The following CLVS1 variants were observed in gnomAD, a reference collection of about 807,000 sequenced individuals.
The protein encoded by CLVS1 is clavesin 1, also known as clavesin-1.
CLVS1 carries 10 observed loss-of-function variants against 33.1 expected under a neutral mutation model. The ratio of observed to expected loss-of-function variants is 0.30; its 90% CI spans 0.19 to 0.51. CLVS1 has a LOEUF of 0.51. CLVS1 is among the 20% of genes least tolerant of loss of function. CLVS1 has a pLI of 0.97. For missense variants in CLVS1, 343 were observed against 433.4 expected, an observed-to-expected ratio of 0.79 and a Z score of 1.85; for synonymous variants, 163 against 166.1, an observed-to-expected ratio of 0.98 and a Z score of 0.14.
chr8:61,220,642 GTT>G (rs565187921), intron 2 of CLVS1, among the ~76,000 whole-genome samples: 2 of 147,492 alleles, frequency 1.4e-5, no homozygotes, highest in East Asian at 2.0e-4. Flanking sequence ...GGCTATACAG[GTT>G]TTTTTTTTTA....
At chr8:61,456,654 C>T (rs932056372) in intron 4 of CLVS1, among the ~76,000 whole-genome samples, 4 of 151,998 alleles carry the variant, frequency 2.6e-5, no homozygotes, top group African/African-American at 4.8e-5. Context: ...CGGTGGCTCA[C>T]GCCTGTAATC....
At chr8:61,014,971 G>A in the CLVS1 span, among the ~76,000 whole-genome samples, 1 of 152,234 alleles carries the variant, frequency 6.6e-6, no homozygotes, top group Non-Finnish European at 1.5e-5. Flanking sequence ...CAGTGACTCT[G>A]TTCACAGGGC....
chr8:61,217,979 T>C (rs1808125912), intron 2 of CLVS1, among the ~76,000 whole-genome samples: 2 of 152,190 alleles, frequency 1.3e-5, no homozygotes, highest in Non-Finnish European at 2.9e-5. Context: ...TTAGGATGAC[T>C]ATTATCAAAA....
At chr8:61,120,609 C>A (rs1364372861) in intron 1 of CLVS1, among the ~76,000 whole-genome samples, 2 of 120,592 alleles carry the variant, frequency 1.7e-5, no homozygotes, top group African/African-American at 3.7e-5. Context: ...CCCTCAGCTG[C>A]AGGTCTGTTG....
At chr8:61,020,947 A>G in the CLVS1 span, among the ~76,000 whole-genome samples, 1 of 152,118 alleles carries the variant, frequency 6.6e-6, no homozygotes, top group Non-Finnish European at 1.5e-5. Flanking sequence ...CCCATGTCCA[A>G]CTATCTTCTC....
intron 1 of CLVS1, among the ~76,000 whole-genome samples, chr8:61,081,739 T>G (rs1805022696): frequency 6.6e-6 from 1 of 152,158 alleles, no homozygotes; most frequent in African/African-American, 2.4e-5. Context: ...CAACAACTCT[T>G]TCTAGATCCA....
chr8:61,459,798 G>T (rs1012424055), intron 5 of CLVS1, among the ~76,000 whole-genome samples: 1 of 152,138 alleles, frequency 6.6e-6, no homozygotes, highest in Non-Finnish European at 1.5e-5. Flanking sequence ...AGTTACTACA[G>T]ACTGGGTGGT....
chr8:61,325,734 G>C lies in CLVS1; in HGVS notation c.455+25452G>C, dbSNP rs554092326. Among the ~76,000 whole-genome samples, 7 of 152,218 alleles carry C rather than the reference G, an allele frequency of 4.6e-5. No individual in the cohort carries two copies. In the East Asian group the frequency reaches 1.4e-3, roughly 29 times the overall value. ...TAGCTGTGATTTGATGTTTGTGTTA[G>C]GACCATCTCATACATCGATAATTGT... On this transcript the variant is annotated intron_variant, in intron 2 of 5. Transcript: ENST00000325897.
chr8:61,462,409 G>T (rs564967082), intron 5 of CLVS1, among the ~76,000 whole-genome samples: 1 of 152,138 alleles, frequency 6.6e-6, no homozygotes, highest in African/African-American at 2.4e-5. Context: ...TTTGAGACTG[G>T]AGTCTTGCTC....
chr8:61,214,168 T>G (rs989276052), intron 2 of CLVS1, among the ~76,000 whole-genome samples: 1 of 152,204 alleles, frequency 6.6e-6, no homozygotes, highest in South Asian at 2.1e-4. Context: ...TGAAACTTCA[T>G]TAGCAATTTT....
chr8:61,172,134 C>T (rs550506738), intron 2 of CLVS1, among the ~76,000 whole-genome samples: 6 of 152,282 alleles, frequency 3.9e-5, no homozygotes, highest in Non-Finnish European at 7.4e-5. Context: ...ATCACTTCAA[C>T]GTATCAATAT....
chr8:61,275,975 A>G (rs1210267111), intron 2 of CLVS1, among the ~76,000 whole-genome samples: 2 of 152,210 alleles, frequency 1.3e-5, no homozygotes, highest in African/African-American at 4.8e-5. Context: ...TTAAGTTGCC[A>G]TTAATGTGGT....
intron 2 of CLVS1, among the ~76,000 whole-genome samples, chr8:61,218,597 C>T (rs2931341): frequency 0.48 from 72,145 of 150,572 alleles, 18,073 homozygotes; most frequent in East Asian, 0.82. Context: ...TGAAACATTA[C>T]TATGTACTCC....
At chr8:61,177,922 C>A (rs1807149922) in intron 2 of CLVS1, among the ~76,000 whole-genome samples, 1 of 151,966 alleles carries the variant, frequency 6.6e-6, no homozygotes, top group African/African-American at 2.4e-5. Context: ...ACCCAAAAGG[C>A]CAGAGTGCCT....
chr8:61,127,104 GT>G (rs1195220828), intron 1 of CLVS1, among the ~76,000 whole-genome samples: 2 of 152,106 alleles, frequency 1.3e-5, no homozygotes, highest in Admixed American at 1.3e-4. Flanking sequence ...ACTGTGCTGG[GT>G]AAACATAAAG....
upstream of CLVS1, among the ~76,000 whole-genome samples, chr8:61,054,225 G>A (rs763039223): frequency 3.4e-4 from 52 of 152,178 alleles, no homozygotes; most frequent in Non-Finnish European, 6.5e-4. Flanking sequence ...CGACCAAACA[G>A]GGTCAGCTCC....
intron 1 of CLVS1, among the ~76,000 whole-genome samples, chr8:61,069,822 G>A (rs1312407174): frequency 1.3e-5 from 2 of 151,488 alleles, no homozygotes; most frequent in East Asian, 1.9e-4. Flanking sequence ...ACAGAGTCTC[G>A]CTCTATCTCC....
chr8:61,436,420 A>C (rs1816332900), intron 3 of CLVS1, among the ~76,000 whole-genome samples: 1 of 152,082 alleles, frequency 6.6e-6, no homozygotes, highest in Non-Finnish European at 1.5e-5. Flanking sequence ...ACATCACTGC[A>C]ACTGCTCTTG....
At chr8:61,338,045 C>G (rs931573419) in intron 2 of CLVS1, among the ~76,000 whole-genome samples, 1 of 152,118 alleles carries the variant, frequency 6.6e-6, no homozygotes, top group African/African-American at 2.4e-5. Flanking sequence ...GACTTGGCAC[C>G]CTGATATGGA....
Sources: allele counts gnomAD v4.1 joint callset (sites outside exome capture counted in the v4.1 genomes callset), GRCh38; gene constraint gnomAD v4.1.1; transcripts MANE v1.5; gene names NCBI Gene and HGNC (gene_info 2026-07-23, HGNC 2026-07-21).